Variants in ARMH3 observed in about 807,000 individuals in gnomAD.
The protein encoded by ARMH3 is armadillo-like helical domain-containing protein 3.
In ARMH3, 60 loss-of-function variants were observed where a neutral mutation model predicts 99.1. The ratio of observed to expected loss-of-function variants is 0.61; its 90% confidence interval spans 0.49 to 0.75. The LOEUF is 0.75. Ranked by LOEUF, ARMH3 falls within the 30% of genes least tolerant of loss-of-function variation. ARMH3 has a pLI of 0.00. For missense variants in ARMH3, 679 were observed against 843.1 expected, an observed-to-expected ratio of 0.81 and a Z score of 2.41; for synonymous variants, 285 against 292.8, an observed-to-expected ratio of 0.97 and a Z score of 0.27.
intron 23 of ARMH3, among the ~76,000 whole-genome samples, chr10:101,911,449 G>C (rs1260301760): frequency 6.6e-6 from 1 of 152,208 alleles, no homozygotes. Context: ...TTGTCAAAAA[G>C]ATGTAGGCTG....
intron 8 of ARMH3, among the ~76,000 whole-genome samples, chr10:102,014,865 T>G (rs746353347): frequency 2.6e-5 from 4 of 152,134 alleles, no homozygotes; most frequent in Admixed American, 2.0e-4. Context: ...AGGAAAAATT[T>G]CATATAAATC....
intron 24 of ARMH3, among the ~76,000 whole-genome samples, chr10:101,876,150 G>A (rs1034616047): frequency 6.7e-6 from 1 of 148,298 alleles, no homozygotes; most frequent in African/African-American, 2.5e-5. Flanking sequence ...TCAGGAGGCT[G>A]AGGCAGGAGA....
chr10:101,847,756 C>T, intron 25 of ARMH3, 136 bp from the exon 26 acceptor site: 1 of 742,906 alleles, frequency 1.3e-6, no homozygotes. Flanking sequence ...GAACCCTTAA[C>T]AGCTATTATC....
intron 20 of ARMH3, among the ~76,000 whole-genome samples, chr10:101,973,359 C>CAAAAA (rs56712768): frequency 3.7e-5 from 3 of 80,150 alleles, no homozygotes; most frequent in Non-Finnish European, 5.2e-5. Context: ...GACTCCGTCT[C>CAAAAA]AAAAAAAAAA....
intron 20 of ARMH3, among the ~76,000 whole-genome samples, chr10:101,964,207 G>A (rs1482737189): frequency 8.6e-5 from 13 of 151,820 alleles, no homozygotes; most frequent in African/African-American, 3.1e-4. Context: ...ACAGGGTTTC[G>A]CCACGTTGGC....
chr10:102,021,099 C>T (rs1267984214), intron 8 of ARMH3, among the ~76,000 whole-genome samples: 1 of 152,086 alleles, frequency 6.6e-6, no homozygotes, highest in Non-Finnish European at 1.5e-5. Context: ...GTTTTTGAGA[C>T]AGGATGTGGC....
intron 24 of ARMH3, among the ~76,000 whole-genome samples, chr10:101,855,060 T>A (rs1432473707): frequency 1.1e-4 from 1 of 8,826 alleles, no homozygotes; most frequent in Non-Finnish European, 1.7e-4. Context: ...CACTGTCTAT[T>A]CTTTTTTTTT....
intron 17 of ARMH3, among the ~76,000 whole-genome samples, chr10:101,992,761 G>A (rs1237240546): frequency 6.6e-6 from 1 of 151,646 alleles, no homozygotes; most frequent in African/African-American, 2.4e-5. Flanking sequence ...CAAAGTGTTG[G>A]GATTACAGGT....
At chr10:102,055,643 G>T (rs896298689) in intron 1 of ARMH3, among the ~76,000 whole-genome samples, 4 of 152,214 alleles carry the variant, frequency 2.6e-5, no homozygotes, top group African/African-American at 9.6e-5. Flanking sequence ...CGGGACACCT[G>T]AAGACTTCGC....
At chr10:101,989,987 T>G (rs970648530) in intron 19 of ARMH3, among the ~76,000 whole-genome samples, 3 of 152,198 alleles carry the variant, frequency 2.0e-5, no homozygotes, top group African/African-American at 7.2e-5. Context: ...GCGATCACTA[T>G]ATTCATGTGT....
chr10:101,919,805 C>T (rs1590022510), intron 23 of ARMH3, among the ~76,000 whole-genome samples: 2 of 152,208 alleles, frequency 1.3e-5, no homozygotes, highest in East Asian at 3.9e-4. Context: ...TACCTTTTTC[C>T]TTCAAACCTT....
chr10:101,982,720 G>A (rs1401406016), intron 19 of ARMH3, among the ~76,000 whole-genome samples: 3 of 152,090 alleles, frequency 2.0e-5, no homozygotes, highest in Non-Finnish European at 4.4e-5. Flanking sequence ...AACTGCGCAT[G>A]CAAGGGATCT....
intron 23 of ARMH3, among the ~76,000 whole-genome samples, chr10:101,922,602 CAA>C (rs1177386469): frequency 6.6e-6 from 1 of 152,044 alleles, no homozygotes; most frequent in Non-Finnish European, 1.5e-5. Context: ...CATTCTATGT[CAA>C]GTTTTATTAT....
intron 2 of ARMH3, among the ~76,000 whole-genome samples, chr10:102,035,335 G>A (rs796685332): frequency 2.0e-5 from 3 of 151,474 alleles, no homozygotes; most frequent in South Asian, 4.2e-4. Flanking sequence ...ACTACACTCC[G>A]GCCTGGGCAA....
chr10:101,925,841 G>A (rs1843488327), intron 23 of ARMH3, among the ~76,000 whole-genome samples: 1 of 152,202 alleles, frequency 6.6e-6, no homozygotes, highest in South Asian at 2.1e-4. Context: ...AACTCAGGAG[G>A]CGGAGGTTGC....
At chr10:101,856,686 A>C (rs2066745665) in intron 24 of ARMH3, among the ~76,000 whole-genome samples, 1 of 152,222 alleles carries the variant, frequency 6.6e-6, no homozygotes, top group Non-Finnish European at 1.5e-5. Context: ...TATCTGTCCC[A>C]CTGGATTCTT....
intron 6 of ARMH3, among the ~76,000 whole-genome samples, chr10:102,024,280 C>G (rs908686539): frequency 1.3e-5 from 2 of 151,764 alleles, no homozygotes; most frequent in African/African-American, 4.8e-5. Flanking sequence ...GAAACCCCAT[C>G]TCTACTAAAA....
At chr10:101,961,246 G>T (rs1050463993) in intron 20 of ARMH3, among the ~76,000 whole-genome samples, 1 of 151,672 alleles carries the variant, frequency 6.6e-6, no homozygotes, top group African/African-American at 2.4e-5. Flanking sequence ...CCTGCTCTCT[G>T]CTGTCTTATC....
rs554468132 is a variant in ARMH3, at chr10:101,959,341, C to T, written c.1496-1609G>A. Among the ~76,000 whole-genome samples the T allele has an allele frequency of 2.0e-5, 3 of 152,322 alleles. No individual in the cohort carries two copies. In the East Asian group the frequency reaches 5.8e-4, roughly 29 times the overall value. On this transcript the variant is annotated intron_variant, in intron 20 of 25. Coordinates refer to ENST00000370033, the MANE Select transcript of ARMH3 (RefSeq NM_024541.3). Reference sequence around the variant, plus strand: ...GGGGCTGCCCACCCCACCACCTAATCCCCAGAGTTTAGACAAGCCCTGTTA... The same window carrying T: ...GGGGCTGCCCACCCCACCACCTAATTCCCAGAGTTTAGACAAGCCCTGTTA...
Sources: gnomAD v4.1 joint callset for allele counts (sites outside exome capture counted in the v4.1 genomes callset) on GRCh38, gnomAD v4.1.1 for gene constraint, MANE v1.5 for transcripts, NCBI Gene and HGNC (gene_info 2026-07-23, HGNC 2026-07-21) for gene names.